Variants in STAU2 observed in about 807,000 individuals in gnomAD.
STAU2 encodes the protein staufen double-stranded RNA binding protein 2, also known as double-stranded RNA-binding protein Staufen homolog 2.
STAU2 carries 20 observed loss-of-function variants against 65.9 expected under a neutral mutation model. That is an observed-to-expected ratio of 0.30 (90% CI 0.21 to 0.44). The LOEUF (loss-of-function observed/expected upper bound fraction) is 0.44. STAU2 is among the 20% of genes least tolerant of loss of function. STAU2 has a pLI of 1.00. For synonymous variants in STAU2, 232 were observed against 233.9 expected, an observed-to-expected ratio of 0.99 and a Z score of 0.07; for missense variants, 558 against 683.9, an observed-to-expected ratio of 0.82 and a Z score of 2.05.
At chr8:73,648,015 A>G (rs1463872195) in intron 6 of STAU2, among the ~76,000 whole-genome samples, 1 of 152,196 alleles carries the variant, frequency 6.6e-6, no homozygotes, top group Non-Finnish European at 1.5e-5. Context: ...GTAAAATGTA[A>G]CCAATGGGGG....
chr8:73,542,548 C>T (rs983675940), intron 13 of STAU2, among the ~76,000 whole-genome samples: 2 of 152,000 alleles, frequency 1.3e-5, no homozygotes, highest in African/African-American at 4.8e-5. Flanking sequence ...AACAAAAAGA[C>T]AAGTCATAGG....
chr8:73,695,042 CTG>C (rs1035529163), intron 4 of STAU2, among the ~76,000 whole-genome samples: 4 of 152,162 alleles, frequency 2.6e-5, no homozygotes, highest in African/African-American at 9.7e-5. Context: ...GGACACGAGA[CTG>C]TGCTTCCTAG....
intron 3 of STAU2, among the ~76,000 whole-genome samples, chr8:73,721,319 CT>C (rs1405870324): frequency 1.2e-5 from 1 of 82,208 alleles, no homozygotes; most frequent in Non-Finnish European, 2.3e-5. Context: ...AAAAAAAGTC[CT>C]TTATGGCCCA....
intron 6 of STAU2, among the ~76,000 whole-genome samples, chr8:73,618,649 G>A (rs1166363632): frequency 1.3e-5 from 2 of 152,190 alleles, no homozygotes; most frequent in Non-Finnish European, 2.9e-5. Flanking sequence ...CTTATCTCTT[G>A]GAATAACCAT....
intron 4 of STAU2, among the ~76,000 whole-genome samples, chr8:73,700,109 A>G (rs568693664): frequency 5.3e-4 from 80 of 152,288 alleles, no homozygotes; most frequent in Middle Eastern, 3.4e-3. Context: ...AGCATCTGAT[A>G]AAGTTCAACA....
At chr8:73,636,037 C>T (rs1814482717) in intron 6 of STAU2, among the ~76,000 whole-genome samples, 1 of 151,420 alleles carries the variant, frequency 6.6e-6, no homozygotes, top group South Asian at 2.1e-4. Flanking sequence ...TGTTGAGACC[C>T]CAGCCAACTA....
intron 3 of STAU2, among the ~76,000 whole-genome samples, chr8:73,737,633 G>C (rs909198807): frequency 6.6e-6 from 1 of 150,584 alleles, no homozygotes; most frequent in African/African-American, 2.4e-5. Flanking sequence ...AAACTCCTGG[G>C]CTCAAGAGAT....
At chr8:73,685,891 T>A (rs1490513734) in intron 5 of STAU2, among the ~76,000 whole-genome samples, 1 of 152,120 alleles carries the variant, frequency 6.6e-6, no homozygotes, top group Non-Finnish European at 1.5e-5. Flanking sequence ...TGCGAAAACA[T>A]AAAACCAGCC....
At chr8:73,653,751 G>A (rs1816084946) in intron 6 of STAU2, 1 of 234,004 alleles carries the variant, frequency 4.3e-6, no homozygotes, top group African/African-American at 2.4e-5. Context: ...TTCAGTCAGT[G>A]TTAGGAACCA....
intron 13 of STAU2, among the ~76,000 whole-genome samples, chr8:73,537,745 G>C (rs1806276162): frequency 6.6e-6 from 1 of 152,168 alleles, no homozygotes; most frequent in African/African-American, 2.4e-5. Flanking sequence ...GATAAAAGCA[G>C]GAAGAACAAA....
Position 73,658,010 on chromosome 8 carries a change from TA to T in STAU2, c.410+15096del, listed in dbSNP as rs573003161. On this transcript the variant is annotated intron_variant, in intron 6 of 14. Transcript: ENST00000524300. ...GCTTGGCGACAGAGCAACACTCCATTAAAAAAAAAAAATATTTAAAAGGCAC... is the reference window on the plus strand; with the variant it reads ...GCTTGGCGACAGAGCAACACTCCATTAAAAAAAAAAATATTTAAAAGGCAC... Among the ~76,000 whole-genome samples the T allele has an allele frequency of 2.9e-3, 407 of 141,490 alleles. 1 individual carries two copies. The highest frequency in any genetic ancestry group is 4.2e-3 in the African/African-American group (164 of 38,764). The allele number at this position is 141,490 out of a possible 152,430, so 92.8% of individuals were successfully genotyped here.
In STAU2 at chr8:73,552,263, G is replaced by A. The variant is rs140982689; in HGVS notation, c.1279C>T (p.Arg427Cys). The A allele has an allele frequency of 3.0e-5, 48 of 1,613,664 alleles. No individual in the cohort carries two copies. In the South Asian group the frequency reaches 3.1e-4, roughly 10 times the overall value. The change falls in exon 13 of 15, where the codon CGC becomes TGC. Residue 427 changes from arginine to cysteine, a missense_variant. Arg to Cys is a radical substitution (Grantham distance 180, BLOSUM62 -3). Coordinates refer to ENST00000524300, the MANE Select transcript of STAU2 (RefSeq NM_001164380.2). The stretch of plus-strand genomic sequence containing the variant: ...GTAGTGCCAGAGATTACTTTGTGGC[G>A]GCTGGCTTCCATCTCTTGATAAACA... Reference protein sequence around the residue: ...PDVYQEMEASRHKVISGTTLG... With the variant: ...PDVYQEMEASCHKVISGTTLG...
intron 3 of STAU2, among the ~76,000 whole-genome samples, chr8:73,712,334 A>T (rs1377099461): frequency 6.6e-6 from 1 of 152,194 alleles, no homozygotes; most frequent in Non-Finnish European, 1.5e-5. Flanking sequence ...GATGGTTAAG[A>T]GCCTGTTTTG....
At chr8:73,541,506 C>T (rs1189157277) in intron 13 of STAU2, among the ~76,000 whole-genome samples, 2 of 152,040 alleles carry the variant, frequency 1.3e-5, no homozygotes, top group East Asian at 3.9e-4. Context: ...TCCACAGTTG[C>T]AATATGTTAT....
At chr8:73,725,136 C>G (rs1586357718) in intron 3 of STAU2, among the ~76,000 whole-genome samples, 1 of 152,140 alleles carries the variant, frequency 6.6e-6, no homozygotes, top group Admixed American at 6.5e-5. Flanking sequence ...TTAAATTGAG[C>G]ATTTAAGTCA....
Position 73,560,176 on chromosome 8 carries a change from G to T in STAU2, c.1223-7857C>A, listed in dbSNP as rs535338072. 4.7e-5 allele frequency among the ~76,000 whole-genome samples: 7 copies of T among 150,088 alleles called. No homozygotes were observed. In the East Asian group the frequency reaches 1.4e-3, roughly 30 times the overall value. On this transcript the variant is annotated intron_variant, in intron 12 of 14. Coordinates refer to ENST00000524300, the MANE Select transcript of STAU2 (RefSeq NM_001164380.2). ...GCTCACTGCAAGCTCTGCCTCCCGG[G>T]TTCACGCCATTCTCCTGACTCAGCC...
intron 6 of STAU2, among the ~76,000 whole-genome samples, chr8:73,660,905 AT>A (rs1372779305): frequency 1.3e-5 from 2 of 152,190 alleles, no homozygotes; most frequent in Non-Finnish European, 2.9e-5. Flanking sequence ...GCCTGATTTA[AT>A]TTTTTTAATT....
intron 13 of STAU2, among the ~76,000 whole-genome samples, chr8:73,434,681 C>T (rs1184602612): frequency 6.6e-6 from 1 of 151,942 alleles, no homozygotes; most frequent in African/African-American, 2.4e-5. Flanking sequence ...TAAATGAGGG[C>T]TTTCATTACA....
Position 73,682,150 on chromosome 8 carries a change from T to C in STAU2, c.274+6504A>G, listed in dbSNP as rs180974227. 4.2e-4 allele frequency among the ~76,000 whole-genome samples: 64 copies of C among 152,088 alleles called. 1 individual carries two copies. The highest frequency in any genetic ancestry group is 8.4e-4 in the Non-Finnish European group (57 of 67,952). The stretch of plus-strand genomic sequence containing the variant: ...GGATTTAACAGATATATACAGAACA[T>C]TCTACCCAACAACTGCAAAATGCAC... On this transcript the variant is annotated intron_variant, in intron 5 of 14. Transcript: ENST00000524300.
Sources: gnomAD v4.1 joint callset for allele counts (sites outside exome capture counted in the v4.1 genomes callset) on GRCh38, gnomAD v4.1.1 for gene constraint, MANE v1.5 for transcripts, NCBI Gene and HGNC (gene_info 2026-07-23, HGNC 2026-07-21) for gene names.